GBF1: variants seen among roughly 807,000 people sequenced by gnomAD.
The protein encoded by GBF1 is Golgi-specific brefeldin A-resistance guanine nucleotide exchange factor 1.
Under a neutral mutation model 210.5 loss-of-function variants are expected in GBF1, and 114 were observed. The observed-to-expected ratio is 0.54, with a 90% CI of 0.47 to 0.63. The LOEUF is 0.63. Among genes scored for constraint, GBF1 ranks in the 30% least tolerant of loss-of-function variants. The probability of loss-of-function intolerance (pLI) is 0.00; values close to 1 mark genes in which losing one functional copy is unlikely to be tolerated. For missense variants in GBF1, 1,851 were observed against 2,357.7 expected, an observed-to-expected ratio of 0.79 and a Z score of 4.45; for synonymous variants, 850 against 889.2, an observed-to-expected ratio of 0.96 and a Z score of 0.78.
the GBF1 span, among the ~76,000 whole-genome samples, chr10:102,237,063 C>T: frequency 6.6e-6 from 1 of 152,172 alleles, no homozygotes; most frequent in Non-Finnish European, 1.5e-5. Flanking sequence ...GAAATGACTC[C>T]ACAGTCTTCC....
chr10:102,298,837 T>C (rs2077113300), intron 3 of GBF1, among the ~76,000 whole-genome samples: 1 of 152,234 alleles, frequency 6.6e-6, no homozygotes, highest in Admixed American at 6.5e-5. Flanking sequence ...TACATCAAGA[T>C]CCCTTGAGAG....
chr10:102,310,745 C>G (rs922228199), intron 3 of GBF1, among the ~76,000 whole-genome samples: 1 of 152,174 alleles, frequency 6.6e-6, no homozygotes, highest in East Asian at 1.9e-4. Context: ...AGTGGGGCAG[C>G]GGCAAAGAGG....
intron 3 of GBF1, among the ~76,000 whole-genome samples, chr10:102,271,284 G>C (rs776153687): frequency 6.6e-6 from 1 of 152,018 alleles, no homozygotes; most frequent in African/African-American, 2.4e-5. Flanking sequence ...TGATCTGCCC[G>C]CCTCGGCCTC....
At chr10:102,292,413 A>T (rs1338934112) in intron 3 of GBF1, among the ~76,000 whole-genome samples, 1 of 152,182 alleles carries the variant, frequency 6.6e-6, no homozygotes, top group Admixed American at 6.5e-5. Context: ...CCCAGGCTGG[A>T]GTGAGTTGCA....
At chr10:102,368,651 G>A (rs1449373100) in intron 22 of GBF1, 88 bp from the exon 23 acceptor site, 6 of 951,146 alleles carry the variant, frequency 6.3e-6, no homozygotes, top group African/African-American at 3.2e-5. Flanking sequence ...GGACTGACTG[G>A]GGAAGAGCCC....
chr10:102,349,512 G>A (rs1483028170), intron 4 of GBF1, among the ~76,000 whole-genome samples: 1 of 152,070 alleles, frequency 6.6e-6, no homozygotes, highest in Non-Finnish European at 1.5e-5. Context: ...ATCTGGCCTG[G>A]ATGACAGAGT....
intron 3 of GBF1, among the ~76,000 whole-genome samples, chr10:102,291,345 T>C (rs182327995): frequency 2.4e-3 from 366 of 152,222 alleles, no homozygotes; most frequent in African/African-American, 6.8e-3. Flanking sequence ...GCTGAACTTT[T>C]GGCATGGGAG....
Position 102,368,776 on chromosome 10 carries a change from G to A in GBF1, c.2917G>A (p.Asp973Asn), listed in dbSNP as rs1418489614. 10 of 1,613,446 alleles carry A rather than the reference G, an allele frequency of 6.2e-6. No homozygotes were observed. The highest frequency in any genetic ancestry group is 4.5e-5 in the East Asian group (2 of 44,892). The change falls in exon 23 of 40, where the codon GAT becomes AAT. Residue 973 changes from aspartate to asparagine, a missense_variant. By Grantham distance (23) the Asp-to-Asn change is conservative (BLOSUM62 1). This residue lies in a region of GBF1 where 967 missense variants were observed against 1,247.7 expected (regional missense o/e 0.78). Coordinates refer to ENST00000369983, the MANE Select transcript of GBF1 (RefSeq NM_001377137.1). ...AMISAHYGLS[D>N]VFDNLIISLC... ...GATCTCCGCCCACTATGGCCTCAGCGATGTGTTTGACAATCTCATCATCTC... is the reference window on the plus strand; with the variant it reads ...GATCTCCGCCCACTATGGCCTCAGCAATGTGTTTGACAATCTCATCATCTC...
chr10:102,376,338 C>G lies in GBF1; in HGVS notation c.3953C>G (p.Thr1318Ser). 3 of 1,613,982 alleles carry G rather than the reference C, an allele frequency of 1.9e-6. No individual in the cohort carries two copies. The highest frequency in any genetic ancestry group is 2.5e-6 in the Non-Finnish European group (3 of 1,179,860). ...QNDVSLDRGY[T>S]SDSEVYTDHG... ...GACGTGAGCCTGGATCGAGGGTACA[C>G]TTCCGACTCAGAGGTCTACACTGAC... Residue 1318 changes from threonine to serine, a missense_variant, in exon 31 of 40, where the codon ACT becomes AGT. Coordinates refer to ENST00000369983, the MANE Select transcript of GBF1 (RefSeq NM_001377137.1).
Position 102,304,493 on chromosome 10 carries a change from G to A in GBF1, c.164-39558G>A, listed in dbSNP as rs183892376. 3.8e-3 allele frequency among the ~76,000 whole-genome samples: 574 copies of A among 152,232 alleles called. 3 individuals carry two copies. Among genetic ancestry groups the A allele is most frequent in the Non-Finnish European group, 7.1e-3 (486 of 68,016 alleles). ...TTCAAGGTGAAATTAGGTAAAAGGG[G>A]CCGGGCATGGTGGCTCATGCCTGTA... is the stretch of plus-strand genomic sequence containing the variant. On this transcript the variant is annotated intron_variant, in intron 3 of 39. Coordinates refer to ENST00000369983, the MANE Select transcript of GBF1 (RefSeq NM_001377137.1).
chr10:102,267,811 A>T (rs2074016108), intron 3 of GBF1, among the ~76,000 whole-genome samples: 1 of 152,200 alleles, frequency 6.6e-6, no homozygotes, highest in African/African-American at 2.4e-5. Context: ...GGGCACACTT[A>T]AAAGTATCCA....
At chr10:102,351,708 T>C (rs1242867727) in intron 5 of GBF1, 135 bp from the exon 6 acceptor site, 7 of 637,048 alleles carry the variant, frequency 1.1e-5, no homozygotes, top group Admixed American at 2.6e-5. Context: ...GAAGAAACAA[T>C]TCCAAGGACA....
At chr10:102,250,788 C>T (rs1360796968) in intron 1 of GBF1, among the ~76,000 whole-genome samples, 2 of 152,100 alleles carry the variant, frequency 1.3e-5, no homozygotes, top group Non-Finnish European at 2.9e-5. Flanking sequence ...GAAACGCTGT[C>T]TCTACTAAAA....
chr10:102,376,365 A>G lies in GBF1; in HGVS notation c.3980A>G (p.His1327Arg), dbSNP rs758350283. The G allele has an allele frequency of 2.5e-6, 4 of 1,614,172 alleles. No individual in the cohort carries two copies. The highest frequency in any genetic ancestry group is 1.1e-5 in the South Asian group (1 of 91,078). The change falls in exon 31 of 40, where the codon CAT (histidine) becomes CGT (arginine). Residue 1327 changes from histidine to arginine, a missense_variant. This residue lies in a region of GBF1 where 967 missense variants were observed against 1,247.7 expected (regional missense o/e 0.78). Transcript: ENST00000369983. ...TCCGACTCAGAGGTCTACACTGACC[A>G]TGGCAGGCCGGGCAAGATACACCGA... The part of the protein sequence containing the change: ...YTSDSEVYTD[H>R]GRPGKIHRSA...
chr10:102,306,976 A>G (rs2077938860), intron 3 of GBF1, among the ~76,000 whole-genome samples: 1 of 152,224 alleles, frequency 6.6e-6, no homozygotes, highest in Non-Finnish European at 1.5e-5. Context: ...TGTAATGACC[A>G]TGGAAAGCCA....
upstream of GBF1, among the ~76,000 whole-genome samples, chr10:102,244,721 A>G (rs1189682605): frequency 6.6e-6 from 1 of 152,208 alleles, no homozygotes; most frequent in Non-Finnish European, 1.5e-5. Flanking sequence ...ATAAGAGGTG[A>G]CAAAAGGCGA....
At chr10:102,329,754 A>C (rs1039928078) in intron 3 of GBF1, among the ~76,000 whole-genome samples, 2 of 150,850 alleles carry the variant, frequency 1.3e-5, no homozygotes, top group Non-Finnish European at 3.0e-5. Context: ...TGAGCCACCA[A>C]GCCCGGCCAA....
At chr10:102,342,806 C>G (rs897075402) in intron 3 of GBF1, among the ~76,000 whole-genome samples, 1 of 152,052 alleles carries the variant, frequency 6.6e-6, no homozygotes, top group Non-Finnish European at 1.5e-5. Flanking sequence ...ACAGCACAAT[C>G]TAGAAAAACA....
At chr10:102,243,065 A>G (rs1272030405), upstream of GBF1, among the ~76,000 whole-genome samples, 4 of 152,146 alleles carry the variant, frequency 2.6e-5, no homozygotes, top group African/African-American at 9.7e-5. Context: ...CTGGCATACA[A>G]GACCTTCAGG....
Sources: allele counts gnomAD v4.1 joint callset (sites outside exome capture counted in the v4.1 genomes callset), GRCh38; gene constraint gnomAD v4.1.1; regional missense constraint gnomAD v4.1.1; transcripts MANE v1.5; gene names NCBI Gene and HGNC (gene_info 2026-07-23, HGNC 2026-07-21).